The following SCUBE1 variants were observed in gnomAD, a reference collection of about 807,000 sequenced individuals.
The protein encoded by SCUBE1 is signal peptide, CUB domain and EGF like domain containing 1, also known as signal peptide, CUB and EGF-like domain-containing protein 1.
Under a neutral mutation model 124.4 loss-of-function variants are expected in SCUBE1, and 59 were observed. The ratio of observed to expected loss-of-function variants is 0.47; its 90% CI spans 0.38 to 0.59. SCUBE1 has a LOEUF of 0.59. Ranked by LOEUF, SCUBE1 falls within the 20% of genes least tolerant of loss-of-function variation. The pLI is 0.00. For synonymous variants in SCUBE1, 545 were observed against 550.9 expected (o/e 0.99, Z 0.15); for missense variants, 1,150 against 1,371.2 (o/e 0.84, Z 2.55).
At chr22:43,303,590 G>T (rs1925855414) in intron 3 of SCUBE1, among the ~76,000 whole-genome samples, 1 of 152,226 alleles carries the variant, frequency 6.6e-6, no homozygotes, top group South Asian at 2.1e-4. Flanking sequence ...GGAAAAGGGG[G>T]CACTCGCTTG....
intron 2 of SCUBE1, among the ~76,000 whole-genome samples, chr22:43,335,236 A>G (rs1425001713): frequency 1.3e-5 from 2 of 152,128 alleles, no homozygotes; most frequent in Admixed American, 6.5e-5. Flanking sequence ...TTGTCTCTCC[A>G]TAGTCCTCCC....
intron 5 of SCUBE1, among the ~76,000 whole-genome samples, chr22:43,259,662 G>A (rs549693586): frequency 6.6e-6 from 1 of 152,320 alleles, no homozygotes; most frequent in South Asian, 2.1e-4. Context: ...TCCACAGCGG[G>A]CGAGGAGGAT....
At chr22:43,298,337 G>A (rs1925640608) in intron 3 of SCUBE1, among the ~76,000 whole-genome samples, 1 of 152,206 alleles carries the variant, frequency 6.6e-6, no homozygotes, top group South Asian at 2.1e-4. Context: ...GGTCTTCCCT[G>A]GGGCTCCTGA....
chr22:43,258,142 C>T lies in SCUBE1; in HGVS notation c.727+77G>A. ...CGGGGAACCCGGACGTGGCAGGGTG[C>T]TGGCCCTGCTGGTGCACGCATGGGG... is the stretch of plus-strand genomic sequence containing the variant. On this transcript the variant is annotated intron_variant, in intron 6 of 21. Coordinates refer to ENST00000360835, the MANE Select transcript of SCUBE1 (RefSeq NM_173050.5). The surrounding 1 kb of genome is among the most constrained non-coding windows in gnomAD (Gnocchi z 5.0). 1 of 992,350 alleles carries T rather than the reference C, an allele frequency of 1.0e-6. No individual in the cohort carries two copies. The highest frequency in any genetic ancestry group is 1.6e-6 in the Non-Finnish European group (1 of 625,916). 61.5% of individuals were successfully genotyped at this position (992,350 alleles called of 1,614,324 possible). A position where few individuals can be genotyped will look rare whatever the true frequency, so the allele number is the denominator to read the frequency against.
chr22:43,297,825 A>G (rs1027795238), intron 3 of SCUBE1, among the ~76,000 whole-genome samples: 30 of 152,290 alleles, frequency 2.0e-4, no homozygotes, highest in African/African-American at 7.2e-4. Flanking sequence ...TCCCGCAAAT[A>G]TTTCCCGATT....
At chr22:43,329,179 G>A (rs923090500) in intron 2 of SCUBE1, among the ~76,000 whole-genome samples, 9 of 152,236 alleles carry the variant, frequency 5.9e-5, no homozygotes, top group Non-Finnish European at 8.8e-5. Context: ...AGCCTGGAGC[G>A]GGGAATGACT....
chr22:43,310,161 G>A (rs1281903880), intron 3 of SCUBE1, among the ~76,000 whole-genome samples: 1 of 151,818 alleles, frequency 6.6e-6, no homozygotes, highest in Non-Finnish European at 1.5e-5. Flanking sequence ...TGTGTCCCTC[G>A]CTCCTGATCC....
chr22:43,311,773 G>A (rs1220460294), intron 3 of SCUBE1, among the ~76,000 whole-genome samples: 1 of 151,892 alleles, frequency 6.6e-6, no homozygotes, highest in Admixed American at 6.6e-5. Context: ...AATATTTCTG[G>A]CTTCCTCATG....
intron 4 of SCUBE1, among the ~76,000 whole-genome samples, chr22:43,284,332 G>A (rs1429772051): frequency 6.6e-6 from 1 of 152,268 alleles, no homozygotes. Context: ...GGAAGTGCGT[G>A]CCACACTGCA....
intron 10 of SCUBE1, among the ~76,000 whole-genome samples, chr22:43,225,182 T>C (rs1351261438): frequency 6.7e-6 from 1 of 150,140 alleles, no homozygotes; most frequent in Non-Finnish European, 1.5e-5. Flanking sequence ...CAGCCACTTA[T>C]CGCATCACCC....
chr22:43,278,354 G>A lies in SCUBE1; in HGVS notation c.484+12692C>T, dbSNP rs147251793. Reference sequence around the variant, plus strand: ...CTCCAAGGAGTGGCTGAAGAAGGCAGGTGCTGAGGCTGGGATGGGATTCGG... The same window carrying A: ...CTCCAAGGAGTGGCTGAAGAAGGCAAGTGCTGAGGCTGGGATGGGATTCGG... On this transcript the variant is annotated intron_variant, in intron 4 of 21. Transcript: ENST00000360835. Among the ~76,000 whole-genome samples the A allele has an allele frequency of 6.8e-4, 103 of 152,364 alleles. 1 individual carries two copies. The highest frequency in any genetic ancestry group is 3.1e-3 in the South Asian group (15 of 4,830).
intron 15 of SCUBE1, among the ~76,000 whole-genome samples, chr22:43,215,301 C>A (rs1246854425): frequency 6.6e-6 from 1 of 152,148 alleles, no homozygotes; most frequent in African/African-American, 2.4e-5. Context: ...TAAATAACAT[C>A]AGGAATGGAT....
intron 6 of SCUBE1, among the ~76,000 whole-genome samples, chr22:43,253,077 C>T (rs1923519292): frequency 6.8e-6 from 1 of 146,680 alleles, no homozygotes; most frequent in South Asian, 2.2e-4. Context: ...GAACGGTCAC[C>T]TCCCTACCTA....
intron 3 of SCUBE1, among the ~76,000 whole-genome samples, chr22:43,309,442 G>A (rs6003149): frequency 0.067 from 10,191 of 152,140 alleles, 1,123 homozygotes; most frequent in African/African-American, 0.23. Context: ...TTGAGGGCCC[G>A]AAATAAGGCC....
At chr22:43,331,324 C>A (rs553512069) in intron 2 of SCUBE1, among the ~76,000 whole-genome samples, 25 of 152,096 alleles carry the variant, frequency 1.6e-4, no homozygotes, top group Admixed American at 1.4e-3. Flanking sequence ...CCTTTTCACA[C>A]AAAAAGAGGA....
At position 43,319,481 on chromosome 22, in the gene SCUBE1, T is replaced by C. The variant is rs1184479400; in HGVS notation, c.349+456A>G. Among the ~76,000 whole-genome samples the C allele has an allele frequency of 1.4e-5, 2 of 139,894 alleles. 1 individual carries two copies. The highest frequency in any genetic ancestry group is 3.0e-5 in the Non-Finnish European group (2 of 66,768). 91.8% of individuals were successfully genotyped at this position (139,894 alleles called of 152,430 possible). On this transcript the variant is annotated intron_variant, in intron 3 of 21. Transcript: ENST00000360835. ...GGGAGGCTGAGGCAGGAGAATCACTTGAACCCAGGAGGTGGAGGTTGCAGT... is the reference window on the plus strand; with the variant it reads ...GGGAGGCTGAGGCAGGAGAATCACTCGAACCCAGGAGGTGGAGGTTGCAGT...
intron 4 of SCUBE1, among the ~76,000 whole-genome samples, chr22:43,279,724 C>A (rs1924685727): frequency 6.6e-6 from 1 of 152,230 alleles, no homozygotes; most frequent in African/African-American, 2.4e-5. Context: ...TCTGTCACAG[C>A]CCTCCACGCA....
intron 3 of SCUBE1, among the ~76,000 whole-genome samples, chr22:43,301,381 C>T (rs1342199193): frequency 2.6e-5 from 4 of 152,188 alleles, no homozygotes; most frequent in Non-Finnish European, 5.9e-5. Flanking sequence ...AACTGCTCTG[C>T]CCACGTCCCC....
intron 4 of SCUBE1, among the ~76,000 whole-genome samples, chr22:43,266,281 G>C (rs578132192): frequency 6.6e-6 from 1 of 152,148 alleles, no homozygotes; most frequent in African/African-American, 2.4e-5. Flanking sequence ...CTTCTGAGGC[G>C]CCTCCTCCCC....
Sources: allele counts gnomAD v4.1 joint callset (sites outside exome capture counted in the v4.1 genomes callset), GRCh38; gene constraint gnomAD v4.1.1; non-coding constraint Gnocchi (gnomAD v3.1); transcripts MANE v1.5; gene names NCBI Gene and HGNC (gene_info 2026-07-23, HGNC 2026-07-21).